The following EPAS1 variants were observed in gnomAD, a reference collection of about 807,000 sequenced individuals.
EPAS1 encodes the protein endothelial PAS domain-containing protein 1.
In EPAS1, 23 loss-of-function variants were observed where a neutral mutation model predicts 87.9. The ratio of observed to expected loss-of-function variants is 0.26; its 90% confidence interval spans 0.19 to 0.37. EPAS1 has a LOEUF of 0.37. EPAS1 is among the 10% of genes least tolerant of loss of function. The pLI, the probability that EPAS1 is intolerant of heterozygous loss-of-function variation, is 1.00. For missense variants in EPAS1, 1,138 were observed against 1,120.7 expected (o/e 1.02, Z -0.22); for synonymous variants, 508 against 444.3 (o/e 1.14, Z -1.80).
At chr2:46,355,497 A>G (rs1684251659) in intron 2 of EPAS1, among the ~76,000 whole-genome samples, 1 of 152,232 alleles carries the variant, frequency 6.6e-6, no homozygotes, top group African/African-American at 2.4e-5. Flanking sequence ...TTCATCTGTA[A>G]AATGAGATTA....
chr2:46,335,408 C>G (rs1385141850), intron 1 of EPAS1, among the ~76,000 whole-genome samples: 1 of 119,930 alleles, frequency 8.3e-6, no homozygotes, highest in African/African-American at 3.1e-5. Flanking sequence ...CCCCCACCCG[C>G]CTTTTTCCAT....
chr2:46,363,408 AT>A (rs971649474), intron 6 of EPAS1, among the ~76,000 whole-genome samples: 1 of 152,092 alleles, frequency 6.6e-6, no homozygotes, highest in East Asian at 1.9e-4. Context: ...TAGAAAAGAG[AT>A]TTTTTTTAAG....
At chr2:46,311,909 T>G (rs1027810783) in intron 1 of EPAS1, among the ~76,000 whole-genome samples, 2 of 152,178 alleles carry the variant, frequency 1.3e-5, no homozygotes, top group African/African-American at 4.8e-5. Flanking sequence ...CATTGATCCC[T>G]TTGTTCCTGA....
At chr2:46,377,848 G>C (rs1684790644) in intron 9 of EPAS1, 46 bp from the exon 10 acceptor site, 1 of 1,551,596 alleles carries the variant, frequency 6.4e-7, no homozygotes, top group African/African-American at 1.4e-5. Flanking sequence ...CTTGGGGTGA[G>C]CCCGATGGTT....
intron 12 of EPAS1, chr2:46,381,240 T>C (rs1024286380): frequency 1.8e-5 from 7 of 382,924 alleles, no homozygotes; most frequent in Non-Finnish European, 3.0e-5. Context: ...GACCTGCCAC[T>C]CCCAGGGGCC....
rs750758786 is a variant in EPAS1, at chr2:46,376,705, G to A, written c.1201G>A (p.Ala401Thr). ...TKLKEEPEEL[A>T]QLAPTPGDAI... ...GCTAAAGGAGGAGCCCGAGGAGCTG[G>A]CCCAGCTGGCTCCCACCCCAGGAGA... The change falls in exon 9 of 16, where the codon GCC becomes ACC. Residue 401 changes from alanine (A) to threonine (T), a missense_variant. Physicochemically the swap from Ala to Thr is moderately conservative, Grantham distance 58. This residue lies in a region of EPAS1 where 284 missense variants were observed against 258.4 expected (regional missense o/e 1.10). Transcript: ENST00000263734. The A allele has an allele frequency of 6.2e-7, 1 of 1,613,236 alleles. No homozygotes were observed. Among genetic ancestry groups the A allele is most frequent in the East Asian group, 2.2e-5 (1 of 44,894 alleles).
intron 1 of EPAS1, among the ~76,000 whole-genome samples, chr2:46,338,632 C>G (rs1462733393): frequency 6.6e-6 from 1 of 152,218 alleles, no homozygotes. Flanking sequence ...AAGGGTGGCC[C>G]TCTTCTCAGA....
chr2:46,335,643 T>C (rs532607411), intron 1 of EPAS1: 2 of 152,258 alleles, frequency 1.3e-5, no homozygotes, highest in East Asian at 3.9e-4. Context: ...TAATTTTAGT[T>C]CGGTGTGGTA....
chr2:46,333,369 A>G (rs1683725363), intron 1 of EPAS1, among the ~76,000 whole-genome samples: 1 of 152,310 alleles, frequency 6.6e-6, no homozygotes, highest in Non-Finnish European at 1.5e-5. Context: ...TAACAAGGTG[A>G]CGGTGCCTTG....
intron 1 of EPAS1, among the ~76,000 whole-genome samples, chr2:46,309,172 G>A (rs572315849): frequency 6.6e-6 from 1 of 152,318 alleles, no homozygotes; most frequent in East Asian, 1.9e-4. Context: ...TAGACACTTT[G>A]CTCACATCAA....
At position 46,376,632 on chromosome 2, in the gene EPAS1, C is replaced by G. The variant is rs975911978; in HGVS notation, c.1128C>G (p.Ser376Arg). The G allele has an allele frequency of 1.2e-6, 2 of 1,614,050 alleles. No homozygotes were observed. The highest frequency in any genetic ancestry group is 2.7e-5 in the African/African-American group (2 of 74,892). The change falls in exon 9 of 16, where the codon AGC (serine) becomes AGG (arginine). Residue 376 changes from serine (S) to arginine (R), a missense_variant. By Grantham distance (110) the Ser-to-Arg change is moderately radical (BLOSUM62 -1). Transcript: ENST00000263734. Reference protein sequence around the residue: ...HLMAMNSIFDSSGKGAVSEKS... With the variant: ...HLMAMNSIFDRSGKGAVSEKS... ...TGGCCATGAACAGCATCTTTGATAG[C>G]AGTGGCAAGGGGGCTGTGTCTGAGA...
At position 46,381,721 on chromosome 2, in the gene EPAS1, G is replaced by GGGT; in HGVS notation, c.2172+1_2172+3dup. The GGGT allele has an allele frequency of 6.2e-7, 1 of 1,613,800 alleles. No homozygotes were observed. Among genetic ancestry groups the GGGT allele is most frequent in the Non-Finnish European group, 8.5e-7 (1 of 1,180,030 alleles). ...GAGCAAGCCTTCCAGGACCTGAGCG[G>GGGT]GGTGAGTCATCCCCACTGGCCACAG... On this transcript the variant is annotated inframe_insertion and splice_region_variant, in exon 13 of 16. Coordinates refer to ENST00000263734, the MANE Select transcript of EPAS1 (RefSeq NM_001430.5).
intron 2 of EPAS1, among the ~76,000 whole-genome samples, chr2:46,349,937 C>T (rs1334790763): frequency 6.6e-6 from 1 of 152,174 alleles, no homozygotes; most frequent in Non-Finnish European, 1.5e-5. Context: ...GTAAAAATTT[C>T]TCTTTGAGCT....
Position 46,360,538 on chromosome 2 carries a change from A to G in EPAS1, c.455-100A>G. 4 of 1,061,154 alleles carry G rather than the reference A, an allele frequency of 3.8e-6. No homozygotes were observed. The highest frequency in any genetic ancestry group is 1.3e-5 in the South Asian group (1 of 79,004). The allele number at this position is 1,061,154 out of a possible 1,614,324, so 65.7% of individuals were successfully genotyped here. A position where few individuals can be genotyped will look rare whatever the true frequency, so the allele number is the denominator to read the frequency against. ...CTAAGAGAGCAGATATTTGGAAAAT[A>G]TAAACAATAGGCTGCCAAGAAAAAC... On this transcript the variant is annotated intron_variant, in intron 4 of 15. Coordinates refer to ENST00000263734, the MANE Select transcript of EPAS1 (RefSeq NM_001430.5). This position sits in a 1 kb window ranked among gnomAD's most constrained non-coding sequence, Gnocchi z 4.5.
chr2:46,345,928 GT>G (rs1684015225), intron 1 of EPAS1, among the ~76,000 whole-genome samples: 1 of 152,178 alleles, frequency 6.6e-6, no homozygotes, highest in Admixed American at 6.5e-5. Context: ...AGTCCTCACA[GT>G]TAACTCTGTA....
At chr2:46,382,169 C>G (rs1684913643) in intron 14 of EPAS1, 80 bp downstream of exon 14, 1 of 1,335,746 alleles carries the variant, frequency 7.5e-7, no homozygotes, top group African/African-American at 1.4e-5. Context: ...CTGGTTCTTC[C>G]ATTCACCACA....
chr2:46,305,610 CAT>C (rs975230326), intron 1 of EPAS1, among the ~76,000 whole-genome samples: 73 of 152,240 alleles, frequency 4.8e-4, no homozygotes, highest in African/African-American at 1.7e-3. Flanking sequence ...CCCATTGAAA[CAT>C]ATGTTTATTT....
At chr2:46,359,563 G>A (rs1010400371) in intron 4 of EPAS1, among the ~76,000 whole-genome samples, 2 of 152,136 alleles carry the variant, frequency 1.3e-5, no homozygotes, top group African/African-American at 4.8e-5. Context: ...TCACTATTCA[G>A]TCTGTTACTG....
At chr2:46,326,280 G>A (rs539370196) in intron 1 of EPAS1, among the ~76,000 whole-genome samples, 9 of 152,316 alleles carry the variant, frequency 5.9e-5, no homozygotes, top group African/African-American at 1.9e-4. Flanking sequence ...AATCTCAACT[G>A]CCTAATAACA....
Sources: gnomAD v4.1 joint callset for allele counts (sites outside exome capture counted in the v4.1 genomes callset) on GRCh38, gnomAD v4.1.1 for gene constraint, gnomAD v4.1.1 regional missense constraint, Gnocchi (gnomAD v3.1) non-coding constraint, MANE v1.5 for transcripts, NCBI Gene and HGNC (gene_info 2026-07-23, HGNC 2026-07-21) for gene names.